Variants in BBS9 observed in about 807,000 individuals in gnomAD.
The protein encoded by BBS9 is Bardet-Biedl syndrome 9, also known as protein PTHB1.
In BBS9, 89 loss-of-function variants were observed where a neutral mutation model predicts 117.7. The ratio of observed to expected loss-of-function variants is 0.76; its 90% CI spans 0.64 to 0.90. The LOEUF (loss-of-function observed/expected upper bound fraction) is 0.90, where lower values mean the gene tolerates loss of function less well. Among genes scored for constraint, BBS9 ranks in the 40% least tolerant of loss-of-function variants. The pLI is 0.00. For synonymous variants in BBS9, 379 were observed against 370.9 expected, an observed-to-expected ratio of 1.02 and a Z score of -0.25; for missense variants, 982 against 1,042.2, an observed-to-expected ratio of 0.94 and a Z score of 0.80.
chr7:33,612,153 A>G (rs1460597842), intron 21 of BBS9, among the ~76,000 whole-genome samples: 1 of 151,964 alleles, frequency 6.6e-6, no homozygotes, highest in Non-Finnish European at 1.5e-5. Flanking sequence ...TTAAGTGAGG[A>G]AACTGAAGCT....
chr7:33,592,828 G>A (rs190176674), intron 21 of BBS9, among the ~76,000 whole-genome samples: 2 of 152,116 alleles, frequency 1.3e-5, no homozygotes, highest in Admixed American at 6.6e-5. Context: ...ATGCAAGAGG[G>A]AAAGCTGTGA....
In BBS9 at chr7:33,555,662, A is replaced by C. The variant is rs565351858; in HGVS notation, c.2521+21486A>C. On this transcript the variant is annotated intron_variant, in intron 21 of 22. Coordinates refer to ENST00000242067, the MANE Select transcript of BBS9 (RefSeq NM_198428.3). ...TTGAGGGGAAAGGAGAGGTATCAGA[A>C]GGAACCCCCAGATTGCTGGTTCTAG... is the stretch of plus-strand genomic sequence containing the variant. 1.6e-4 allele frequency among the ~76,000 whole-genome samples: 24 copies of C among 152,294 alleles called. No homozygotes were observed. The South Asian group carries it at 4.8e-3, about 30-fold the overall frequency.
chr7:33,271,930 A>G lies in BBS9; in HGVS notation c.703-1082A>G, dbSNP rs116233041. On this transcript the variant is annotated intron_variant, in intron 7 of 22. Transcript: ENST00000242067. ...CATTCTTCTCGTCACCACATAGCAC[A>G]TACTCTAAAATAAACTACACAATCG... 4.7e-3 allele frequency among the ~76,000 whole-genome samples: 717 copies of G among 152,264 alleles called. 10 individuals carry two copies. The highest frequency in any genetic ancestry group is 0.017 in the African/African-American group (689 of 41,558).
chr7:33,478,447 G>T (rs989372904), intron 19 of BBS9, among the ~76,000 whole-genome samples: 3 of 152,134 alleles, frequency 2.0e-5, no homozygotes, highest in African/African-American at 4.8e-5. Flanking sequence ...GCATGGCCAT[G>T]GTAATTCTTA....
In BBS9 at chr7:33,605,225, AATTCAAGTAG is replaced by A. The variant is rs771525254; in HGVS notation, c.*1_*10del. On this transcript the variant is annotated stop_retained_variant and 3_prime_UTR_variant, in exon 23 of 23. Coordinates refer to ENST00000242067, the MANE Select transcript of BBS9 (RefSeq NM_198428.3). Reference sequence around the variant, plus strand: ...TCACCCCTCCAAGGAGTCTCGGAATAATTCAAGTAGAGTTGTTTGGTTGAGAGGAACATCC... The same window carrying A: ...TCACCCCTCCAAGGAGTCTCGGAATAAGTTGTTTGGTTGAGAGGAACATCC... 2.5e-6 allele frequency: 4 copies of A among 1,612,644 alleles called. No individual in the cohort carries two copies. The highest frequency in any genetic ancestry group is 3.4e-6 in the Non-Finnish European group (4 of 1,178,680).
intron 9 of BBS9, among the ~76,000 whole-genome samples, chr7:33,295,268 T>C (rs1383527447): frequency 1.3e-5 from 2 of 152,154 alleles, no homozygotes; most frequent in Non-Finnish European, 2.9e-5. Flanking sequence ...TGTGTCATTT[T>C]CTTAATGGTA....
At chr7:33,341,460 C>A (rs574637465) in intron 11 of BBS9, among the ~76,000 whole-genome samples, 2 of 152,076 alleles carry the variant, frequency 1.3e-5, no homozygotes, top group South Asian at 2.1e-4. Flanking sequence ...TGGTCCAATA[C>A]TTAATTTTTC....
chr7:33,425,803 G>A (rs1584780471), intron 19 of BBS9, among the ~76,000 whole-genome samples: 1 of 152,166 alleles, frequency 6.6e-6, no homozygotes, highest in Admixed American at 6.5e-5. Context: ...TTATTTTAGT[G>A]TTGAGCTTCA....
At chr7:33,339,454 A>G (rs1017678100) in intron 10 of BBS9, among the ~76,000 whole-genome samples, 1 of 151,996 alleles carries the variant, frequency 6.6e-6, no homozygotes, top group Non-Finnish European at 1.5e-5. Context: ...AGCCATTTGT[A>G]CTCTCATTAA....
At chr7:33,341,778 A>C (rs541727023) in intron 11 of BBS9, among the ~76,000 whole-genome samples, 1 of 152,044 alleles carries the variant, frequency 6.6e-6, no homozygotes, top group Non-Finnish European at 1.5e-5. Context: ...AATTAATACA[A>C]CTGAGAAATA....
chr7:33,172,416 C>A (rs1796728895), intron 4 of BBS9, among the ~76,000 whole-genome samples: 1 of 151,312 alleles, frequency 6.6e-6, no homozygotes, highest in African/African-American at 2.4e-5. Context: ...ATGAAAAGAA[C>A]ACGACTCTAG....
intron 19 of BBS9, among the ~76,000 whole-genome samples, chr7:33,448,675 GT>G (rs1563190717): frequency 6.6e-6 from 1 of 152,168 alleles, no homozygotes; most frequent in Non-Finnish European, 1.5e-5. Context: ...GAATAGGATT[GT>G]TTTTTCCTTT....
In BBS9 at chr7:33,625,193, A is replaced by G. The variant is rs796879231; in HGVS notation, c.2522-9984A>G. Among the ~76,000 whole-genome samples, 5 of 152,152 alleles carry G rather than the reference A, an allele frequency of 3.3e-5. No individual in the cohort carries two copies. The South Asian group carries it at 1.0e-3, about 32-fold the overall frequency. Reference sequence around the variant, plus strand: ...TATAGTACCTTGGGTCCTATTCTATATGGGCTCAAAATCTAGAAATATGAC... The same window carrying G: ...TATAGTACCTTGGGTCCTATTCTATGTGGGCTCAAAATCTAGAAATATGAC... On this transcript the variant is annotated intron_variant, in intron 21 of 21. Coordinates refer to the BBS9 transcript ENST00000671952.
At chr7:33,546,082 T>TG (rs1198855167) in intron 21 of BBS9, among the ~76,000 whole-genome samples, 1 of 151,526 alleles carries the variant, frequency 6.6e-6, no homozygotes, top group Admixed American at 6.6e-5. Context: ...TACAGGCGCC[T>TG]GCCACCGCGC....
At chr7:33,310,507 C>T (rs1347459871) in intron 9 of BBS9, among the ~76,000 whole-genome samples, 1 of 152,066 alleles carries the variant, frequency 6.6e-6, no homozygotes, top group African/African-American at 2.4e-5. Context: ...AATATTCATC[C>T]AAATTGGGAT....
chr7:33,292,778 C>T (rs1214075920), intron 9 of BBS9, among the ~76,000 whole-genome samples: 1 of 152,068 alleles, frequency 6.6e-6, no homozygotes, highest in Non-Finnish European at 1.5e-5. Context: ...GAAGCCAAGG[C>T]AGGTGGATCA....
chr7:33,240,524 A>AT (rs1440780506), intron 5 of BBS9, among the ~76,000 whole-genome samples: 1 of 152,156 alleles, frequency 6.6e-6, no homozygotes, highest in African/African-American at 2.4e-5. Flanking sequence ...AAGTTCTGGG[A>AT]TTACAGGCGT....
intron 21 of BBS9, among the ~76,000 whole-genome samples, chr7:33,550,802 A>G (rs1039183307): frequency 3.3e-5 from 5 of 152,214 alleles, no homozygotes; most frequent in Non-Finnish European, 7.3e-5. Context: ...TGGTTCTCAG[A>G]ACATATGAAT....
At chr7:33,559,624 A>G (rs1371848507) in intron 21 of BBS9, among the ~76,000 whole-genome samples, 5 of 152,186 alleles carry the variant, frequency 3.3e-5, no homozygotes, top group Non-Finnish European at 1.5e-5. Context: ...GTACTGAAAA[A>G]TCGCAGCCAA....
Sources: gnomAD v4.1 joint callset for allele counts (sites outside exome capture counted in the v4.1 genomes callset) on GRCh38, gnomAD v4.1.1 for gene constraint, MANE v1.5 for transcripts, NCBI Gene and HGNC (gene_info 2026-07-23, HGNC 2026-07-21) for gene names.